Variants in EVI5 observed in about 807,000 individuals in gnomAD.
The protein encoded by EVI5 is ecotropic viral integration site 5 protein homolog.
In EVI5, 73 loss-of-function variants were observed where a neutral mutation model predicts 112.0. That is an observed-to-expected ratio of 0.65 (90% CI 0.54 to 0.79). The LOEUF is 0.79. Among genes scored for constraint, EVI5 ranks in the 30% least tolerant of loss-of-function variants. EVI5 has a pLI of 0.00. For missense variants in EVI5, 900 were observed against 968.8 expected (o/e 0.93, Z 0.94); for synonymous variants, 305 against 319.9 (o/e 0.95, Z 0.50).
Position 92,513,641 on chromosome 1 carries a change from AG to A in EVI5, c.*14del, listed in dbSNP as rs762236862. On this transcript the variant is annotated 3_prime_UTR_variant, in exon 20 of 20. Transcript: ENST00000684568. ...GATCCCTTAAATAAATCCATAGTCT[AG>A]GTCACAGTGATGGTCAGACAGTGGT... The A allele has an allele frequency of 7.7e-6, 12 of 1,566,970 alleles. No individual in the cohort carries two copies. Among genetic ancestry groups the A allele is most frequent in the Non-Finnish European group, 1.0e-5 (12 of 1,152,206 alleles).
intron 1 of EVI5, among the ~76,000 whole-genome samples, chr1:92,743,318 A>T (rs560811561): frequency 6.6e-6 from 1 of 152,110 alleles, no homozygotes; most frequent in South Asian, 2.1e-4. Flanking sequence ...GTGCCACTGC[A>T]CTCCAGCCTG....
intron 1 of EVI5, chr1:92,792,229 T>G (rs1686152635): frequency 1.5e-6 from 1 of 676,926 alleles, no homozygotes; most frequent in African/African-American, 1.8e-5. Flanking sequence ...GTTCCTGTGT[T>G]TTGAAGATTA....
chr1:92,593,845 T>C (rs1336373572), intron 18 of EVI5, among the ~76,000 whole-genome samples: 3 of 152,102 alleles, frequency 2.0e-5, no homozygotes, highest in African/African-American at 7.2e-5. Flanking sequence ...ATAAAATACC[T>C]AGGAATCCAG....
chr1:92,516,038 T>C (rs531666636), intron 19 of EVI5, among the ~76,000 whole-genome samples: 2 of 152,304 alleles, frequency 1.3e-5, no homozygotes, highest in South Asian at 4.1e-4. Flanking sequence ...AAAGGGCATA[T>C]AGCACCACAA....
intron 1 of EVI5, among the ~76,000 whole-genome samples, chr1:92,743,806 T>C (rs965179477): frequency 9.9e-5 from 15 of 152,082 alleles, no homozygotes; most frequent in African/African-American, 3.6e-4. Context: ...AAAGAAACAG[T>C]TTTTCTTTCA....
chr1:92,688,607 C>T (rs910851233), intron 9 of EVI5, among the ~76,000 whole-genome samples: 2 of 151,660 alleles, frequency 1.3e-5, no homozygotes, highest in Non-Finnish European at 3.0e-5. Flanking sequence ...AAGGAAGGTG[C>T]GAAGAAGAAC....
Position 92,510,540 on chromosome 1 carries a change from C to T in EVI5, c.*3116G>A, listed in dbSNP as rs1483901664. On this transcript the variant is annotated 3_prime_UTR_variant, in exon 20 of 20. Coordinates refer to ENST00000684568, the MANE Select transcript of EVI5 (RefSeq NM_001350197.2). ...GCAAACAATTTGACCTACCACTGAG[C>T]TAAATTGAAGAAGAAAAACCTGCAT... 1 of 152,146 alleles carries T rather than the reference C, an allele frequency of 6.6e-6. No homozygotes were observed. The highest frequency in any genetic ancestry group is 1.5e-5 in the Non-Finnish European group (1 of 68,034). The allele number at this position is 152,146 out of a possible 1,614,324, so 9.4% of individuals were successfully genotyped here. A position where few individuals can be genotyped will look rare whatever the true frequency, so the allele number is the denominator to read the frequency against.
chr1:92,606,230 T>G lies in EVI5; in HGVS notation c.1975-828A>C, dbSNP rs181648309. Among the ~76,000 whole-genome samples the G allele has an allele frequency of 7.5e-4, 114 of 152,348 alleles. 2 individuals are homozygous for G. Among genetic ancestry groups the G allele is most frequent in the East Asian group, 4.8e-3 (25 of 5,190 alleles). On this transcript the variant is annotated intron_variant, in intron 17 of 19. Coordinates refer to ENST00000684568, the MANE Select transcript of EVI5 (RefSeq NM_001350197.2). ...TTACTTAGACAAGTTCAAAGAAAAT[T>G]ATTATTTTCAACAGCAAGTTCCTCA...
Position 92,614,302 on chromosome 1 carries a change from T to C in EVI5, c.1828-6575A>G, listed in dbSNP as rs72724528. Among the ~76,000 whole-genome samples the C allele has an allele frequency of 2.2e-3, 332 of 152,132 alleles. 2 individuals carry two copies. The highest frequency in any genetic ancestry group is 4.6e-3 in the Admixed American group (71 of 15,296). On this transcript the variant is annotated intron_variant, in intron 16 of 19. Transcript: ENST00000684568. ...CTTTCAACAAAAAAATTACAAAGCA[T>C]AGGAAAAGGCAAGGAAAAACAAAGC...
intron 16 of EVI5, among the ~76,000 whole-genome samples, chr1:92,608,607 G>A (rs1651003781): frequency 6.6e-6 from 1 of 151,924 alleles, no homozygotes; most frequent in Admixed American, 6.6e-5. Flanking sequence ...GGGAGGCTGA[G>A]GCACAAGAAT....
At chr1:92,780,418 G>A (rs1237907130) in intron 1 of EVI5, among the ~76,000 whole-genome samples, 1 of 148,688 alleles carries the variant, frequency 6.7e-6, no homozygotes, top group Non-Finnish European at 1.5e-5. Context: ...AAGTGTGTTT[G>A]ATGAAAAGCA....
At chr1:92,629,717 C>T (rs948185110) in intron 14 of EVI5, among the ~76,000 whole-genome samples, 2 of 151,632 alleles carry the variant, frequency 1.3e-5, no homozygotes. Flanking sequence ...GCACAATGTG[C>T]AGGTTTGTTA....
At chr1:92,763,734 G>C (rs1011403665) in intron 1 of EVI5, among the ~76,000 whole-genome samples, 2 of 152,162 alleles carry the variant, frequency 1.3e-5, no homozygotes, top group Admixed American at 6.5e-5. Flanking sequence ...AGAGTTTGAG[G>C]CTGTAGTGAG....
chr1:92,681,328 T>TAC (rs1667549436), intron 9 of EVI5, among the ~76,000 whole-genome samples: 1 of 152,126 alleles, frequency 6.6e-6, no homozygotes, highest in Admixed American at 6.5e-5. Flanking sequence ...GAATGGATTT[T>TAC]ACACACACAC....
chr1:92,708,028 A>G (rs969621821), intron 2 of EVI5, among the ~76,000 whole-genome samples: 5 of 152,224 alleles, frequency 3.3e-5, no homozygotes, highest in African/African-American at 7.2e-5. Context: ...CCATCTATAT[A>G]AAGTTCAAGA....
chr1:92,551,209 T>C (rs1225463407), intron 19 of EVI5, among the ~76,000 whole-genome samples: 1 of 151,758 alleles, frequency 6.6e-6, no homozygotes, highest in East Asian at 1.9e-4. Flanking sequence ...ACCCAGCTAA[T>C]TTTTGTAGAG....
chr1:92,670,025 GT>G, intron 10 of EVI5, among the ~76,000 whole-genome samples: 1 of 152,300 alleles, frequency 6.6e-6, no homozygotes, highest in East Asian at 1.9e-4. Flanking sequence ...TGTTGGCAAA[GT>G]AGTCATTAAA....
chr1:92,546,417 G>A (rs1665711354), intron 19 of EVI5, among the ~76,000 whole-genome samples: 1 of 152,080 alleles, frequency 6.6e-6, no homozygotes, highest in Non-Finnish European at 1.5e-5. Flanking sequence ...AAAAAAAATA[G>A]GCTGGGCGCG....
chr1:92,641,862 G>A (rs989778058), intron 13 of EVI5, among the ~76,000 whole-genome samples: 1 of 152,138 alleles, frequency 6.6e-6, no homozygotes, highest in African/African-American at 2.4e-5. Context: ...GGGAGCGGTG[G>A]TGCACGGTGG....
Sources: gnomAD v4.1 joint callset for allele counts (sites outside exome capture counted in the v4.1 genomes callset) on GRCh38, gnomAD v4.1.1 for gene constraint, MANE v1.5 for transcripts, NCBI Gene and HGNC (gene_info 2026-07-23, HGNC 2026-07-21) for gene names.